The following MYH10 variants were observed in gnomAD, a reference collection of about 807,000 sequenced individuals.
The protein encoded by MYH10 is myosin heavy chain 10.
MYH10 carries 55 observed loss-of-function variants against 257.8 expected under a neutral mutation model. The observed-to-expected ratio is 0.21, with a 90% CI of 0.17 to 0.27. MYH10 has a LOEUF of 0.27. Among genes scored for constraint, MYH10 ranks in the 10% least tolerant of loss-of-function variants. The pLI is 1.00. For missense variants in MYH10, 1,631 were observed against 2,500.6 expected, an observed-to-expected ratio of 0.65 and a Z score of 7.42; for synonymous variants, 854 against 921.7, an observed-to-expected ratio of 0.93 and a Z score of 1.33.
intron 17 of MYH10, among the ~76,000 whole-genome samples, chr17:8,522,002 G>C: frequency 6.6e-6 from 1 of 152,252 alleles, no homozygotes; most frequent in South Asian, 2.1e-4. Context: ...TACAGCAACC[G>C]ATAGTTTTAC....
rs747394508 is a variant in MYH10 at position 8,475,840 on chromosome 17, A to G, written c.5988T>C (p.Ser1996=). The change falls in exon 43 of 43, where the codon AGT becomes AGC. Residue 1996 remains serine (S), a synonymous_variant. Transcript: ENST00000360416. ...LSDDDTESKT[S]DVNETQPPQS... ...GGGGTGGCTGCGTCTCGTTGACATC[A>G]CTGGTCTTACTTTCTGTGTCATCGT... is the stretch of plus-strand genomic sequence containing the variant. 4.3e-6 allele frequency: 7 copies of G among 1,614,024 alleles called. No individual in the cohort carries two copies. Among genetic ancestry groups the G allele is most frequent in the Admixed American group, 1.7e-5 (1 of 59,988 alleles).
Position 8,509,898 on chromosome 17 carries a change from G to C in MYH10, c.3004C>G (p.Leu1002Val). The C allele has an allele frequency of 6.2e-7, 1 of 1,612,732 alleles. No individual in the cohort carries two copies. Among genetic ancestry groups the C allele is most frequent in the South Asian group, 1.1e-5 (1 of 90,946 alleles). Residue 1002 changes from leucine (L) to valine (V), a missense_variant, in exon 25 of 43, where the codon CTG becomes GTG. Leu to Val is a conservative substitution (Grantham distance 32). Transcript: ENST00000360416. Reference protein sequence around the residue: ...EEEGARQKLQLEKVTAEAKIK... With the variant: ...EEEGARQKLQVEKVTAEAKIK... ...TTGGCCTCTGCTGTCACCTTTTCCA[G>C]CTGCAGCTTTTGCCGAGCCCCTTCC...
Position 8,622,925 on chromosome 17 carries a change from G to A in MYH10, c.322C>T (p.Arg108Cys). 6.2e-7 allele frequency: 1 copy of A among 1,613,942 alleles called. No individual in the cohort carries two copies. Among genetic ancestry groups the A allele is most frequent in the Non-Finnish European group, 8.5e-7 (1 of 1,179,874 alleles). The change falls in exon 2 of 43, where the codon CGC (arginine) becomes TGC (cysteine). Residue 108 changes from arginine to cysteine, a missense_variant. Coordinates refer to ENST00000360416, the MANE Select transcript of MYH10 (RefSeq NM_001256012.3). ...EASVLHNLKD[R>C]YYSGLIYTYS... ...ACATAGATTAGTCCTGAATAGTAGC[G>A]ATCCTTCAGATTATGTAAAACGGAA... is the stretch of plus-strand genomic sequence containing the variant.
At position 8,504,368 on chromosome 17, in the gene MYH10, C is replaced by T. The variant is rs189865719; in HGVS notation, c.3599+326G>A. Reference sequence around the variant, plus strand: ...TTTACCCTTCTCCCTCTGGTCCTATCTATCTAAATCTCTTTTCACTGCCCC... The same window carrying T: ...TTTACCCTTCTCCCTCTGGTCCTATTTATCTAAATCTCTTTTCACTGCCCC... On this transcript the variant is annotated intron_variant, in intron 28 of 42. Coordinates refer to ENST00000360416, the MANE Select transcript of MYH10 (RefSeq NM_001256012.3). This position sits in a 1 kb window ranked among gnomAD's most constrained non-coding sequence, Gnocchi z 5.6. Among the ~76,000 whole-genome samples the T allele has an allele frequency of 3.9e-5, 6 of 152,256 alleles. No individual in the cohort carries two copies. In the East Asian group the frequency reaches 1.2e-3, roughly 29 times the overall value.
chr17:8,517,380 G>A (rs1219033209), intron 21 of MYH10, among the ~76,000 whole-genome samples: 3 of 152,260 alleles, frequency 2.0e-5, no homozygotes, highest in Non-Finnish European at 2.9e-5. Flanking sequence ...CAACCCACAT[G>A]TAGAGTACAT....
intron 7 of MYH10, among the ~76,000 whole-genome samples, chr17:8,555,816 T>C (rs942280036): frequency 1.3e-5 from 2 of 152,236 alleles, no homozygotes; most frequent in African/African-American, 4.8e-5. Context: ...TTAAAACTTT[T>C]ATTCTTCAAA....
chr17:8,615,950 C>A (rs1406594352), intron 2 of MYH10, among the ~76,000 whole-genome samples: 1 of 152,192 alleles, frequency 6.6e-6, no homozygotes, highest in African/African-American at 2.4e-5. Context: ...AAACATTGTA[C>A]TGAAAATTCT....
chr17:8,562,762 C>T (rs188863384), intron 7 of MYH10, among the ~76,000 whole-genome samples: 44 of 152,300 alleles, frequency 2.9e-4, no homozygotes, highest in Admixed American at 1.3e-3. Context: ...GCAAAGACAA[C>T]TAGAATTCTC....
chr17:8,497,311 T>A (rs2151833493), intron 30 of MYH10, among the ~76,000 whole-genome samples: 1 of 152,284 alleles, frequency 6.6e-6, no homozygotes, highest in East Asian at 1.9e-4. Flanking sequence ...TTCTTACCAA[T>A]AAGGACTCAT....
chr17:8,560,951 T>C (rs766716439), intron 7 of MYH10: 1 of 471,834 alleles, frequency 2.1e-6, no homozygotes, highest in Non-Finnish European at 3.9e-6. Context: ...CACTGCCAAC[T>C]GCGGACAACT....
intron 7 of MYH10, among the ~76,000 whole-genome samples, chr17:8,559,915 A>G (rs2082928622): frequency 1.3e-5 from 2 of 152,238 alleles, no homozygotes; most frequent in African/African-American, 4.8e-5. Context: ...ACAGTAGTCA[A>G]AAGGCAATGT....
chr17:8,508,822 G>A (rs1223810425), intron 25 of MYH10, 145 bp from the exon 26 acceptor site: 1 of 841,782 alleles, frequency 1.2e-6, no homozygotes. Context: ...ACAATCACAT[G>A]CTGCAGAACG....
At chr17:8,561,358 C>G in intron 7 of MYH10, 1 of 1,156,002 alleles carries the variant, frequency 8.7e-7, no homozygotes, top group African/African-American at 1.5e-5. Context: ...TCATTCGAAA[C>G]ACAGTGGAGG....
intron 28 of MYH10, among the ~76,000 whole-genome samples, chr17:8,503,300 A>AAAAATAAAAAATAAAAT (rs1555575350): frequency 2.7e-5 from 4 of 150,364 alleles, no homozygotes; most frequent in Non-Finnish European, 5.9e-5. Context: ...ATATAAAATA[A>AAAAATAAAAAATAAAAT]AAAATAAAAT....
chr17:8,519,054 C>A lies in MYH10; in HGVS notation c.2274-104G>T, dbSNP rs1210381873. ...AGAGGCAATAAAATGTTGGGTAATACATGTTAAAGATATGATGTAATACAT... is the reference window on the plus strand; with the variant it reads ...AGAGGCAATAAAATGTTGGGTAATAAATGTTAAAGATATGATGTAATACAT... On this transcript the variant is annotated intron_variant, in intron 19 of 42. Coordinates refer to ENST00000360416, the MANE Select transcript of MYH10 (RefSeq NM_001256012.3). 4 of 790,938 alleles carry A rather than the reference C, an allele frequency of 5.1e-6. No homozygotes were observed. The East Asian group carries it at 1.0e-4, about 21-fold the overall frequency. The allele number at this position is 790,938 out of a possible 1,614,324, so 49.0% of individuals were successfully genotyped here. A position where few individuals can be genotyped will look rare whatever the true frequency, so the allele number is the denominator to read the frequency against.
At chr17:8,480,601 C>T in intron 38 of MYH10, 76 bp from the exon 39 acceptor site, 1 of 1,576,050 alleles carries the variant, frequency 6.3e-7, no homozygotes, top group Non-Finnish European at 8.6e-7. Context: ...GGCTCCTCCA[C>T]CCACCCTGTT....
intron 4 of MYH10, among the ~76,000 whole-genome samples, chr17:8,584,436 T>A (rs2083821617): frequency 6.6e-6 from 1 of 152,214 alleles, no homozygotes; most frequent in South Asian, 2.1e-4. Flanking sequence ...GGGCCTTTTT[T>A]ACAAGCAGTT....
chr17:8,494,056 G>A (rs759934640), intron 31 of MYH10, among the ~76,000 whole-genome samples, 171 bp from the exon 32 acceptor site: 45 of 152,160 alleles, frequency 3.0e-4, no homozygotes, highest in Admixed American at 9.8e-4. Flanking sequence ...CTTTGTAAAA[G>A]CTCTTCACAC....
At chr17:8,519,296 G>T (rs62063423) in intron 19 of MYH10, among the ~76,000 whole-genome samples, 96 of 152,242 alleles carry the variant, frequency 6.3e-4, no homozygotes, top group African/African-American at 2.2e-3. Flanking sequence ...CTGGCTTTCT[G>T]TACTTTAAGT....
Sources: allele counts gnomAD v4.1 joint callset (sites outside exome capture counted in the v4.1 genomes callset), GRCh38; gene constraint gnomAD v4.1.1; non-coding constraint Gnocchi (gnomAD v3.1); transcripts MANE v1.5; gene names NCBI Gene and HGNC (gene_info 2026-07-23, HGNC 2026-07-21).